SLC30A8: variants seen among roughly 807,000 people sequenced by gnomAD.
SLC30A8 encodes the protein proton-coupled zinc antiporter SLC30A8.
In SLC30A8, 27 loss-of-function variants were observed where a neutral mutation model predicts 36.9. The observed-to-expected ratio is 0.73, with a 90% CI of 0.54 to 1.01. The LOEUF (loss-of-function observed/expected upper bound fraction) is 1.01. Among genes scored for constraint, SLC30A8 ranks in the 50% least tolerant of loss-of-function variants. The pLI is 0.00. For synonymous variants in SLC30A8, 164 were observed against 172.4 expected (o/e 0.95, Z 0.38); for missense variants, 439 against 452.0 (o/e 0.97, Z 0.26).
Position 117,175,420 on chromosome 8 carries a change from A to T in SLC30A8, c.*2739A>T, listed in dbSNP as rs1823628976. 3 of 152,112 alleles carry T rather than the reference A, an allele frequency of 2.0e-5. No individual in the cohort carries two copies. Among genetic ancestry groups the T allele is most frequent in the Admixed American group, 2.0e-4 (3 of 15,272 alleles). 9.4% of individuals were successfully genotyped at this position (152,112 alleles called of 1,614,324 possible). On this transcript the variant is annotated 3_prime_UTR_variant, in exon 8 of 8. Coordinates refer to ENST00000456015, the MANE Select transcript of SLC30A8 (RefSeq NM_173851.3). ...TTATGCCTTCCATATGTTTGGTTAC[A>T]GATGGGAAATGGGAATGTTGAAGGA...
At chr8:117,100,595 T>TG (rs1326258075) in intron 2 of SLC30A8, among the ~76,000 whole-genome samples, 1 of 152,188 alleles carries the variant, frequency 6.6e-6, no homozygotes, top group African/African-American at 2.4e-5. Context: ...TGGAGGCACT[T>TG]GCAGGTCTTC....
chr8:116,967,570 A>G (rs1433955443), intron 1 of SLC30A8, among the ~76,000 whole-genome samples: 1 of 152,176 alleles, frequency 6.6e-6, no homozygotes, highest in Non-Finnish European at 1.5e-5. Context: ...GCAACATGTA[A>G]TACTGTGTCT....
At chr8:117,121,106 AAT>A (rs1173904241) in intron 2 of SLC30A8, among the ~76,000 whole-genome samples, 3 of 151,882 alleles carry the variant, frequency 2.0e-5, no homozygotes, top group Non-Finnish European at 4.4e-5. Context: ...ATAAATAAGA[AAT>A]AGAACAATGG....
At chr8:117,111,063 T>A (rs1820207995) in intron 2 of SLC30A8, among the ~76,000 whole-genome samples, 1 of 152,208 alleles carries the variant, frequency 6.6e-6, no homozygotes, top group Admixed American at 6.5e-5. Context: ...TTAGGAAAGC[T>A]ACCTAACTTT....
rs1287599954 is a variant in SLC30A8 at position 116,970,023 on chromosome 8, A to AT, written c.-266+18910dup. 3.9e-5 allele frequency among the ~76,000 whole-genome samples: 6 copies of AT among 152,194 alleles called. No homozygotes were observed. In the South Asian group the frequency reaches 1.2e-3, roughly 32 times the overall value. On this transcript the variant is annotated intron_variant, in intron 1 of 10. Coordinates refer to the SLC30A8 transcript ENST00000427715. ...ACATTTTTACTTTATAAATTTTTAAATTTTTTATACTTTTAGTCTTTTGTA... is the reference window on the plus strand; with the variant it reads ...ACATTTTTACTTTATAAATTTTTAAATTTTTTTATACTTTTAGTCTTTTGTA...
At chr8:117,157,588 C>T in intron 3 of SLC30A8, 103 bp from the exon 4 acceptor site, 1 of 1,309,168 alleles carries the variant, frequency 7.6e-7, no homozygotes. Context: ...TAATGTGAAG[C>T]CTTTTTGGGG....
intron 2 of SLC30A8, among the ~76,000 whole-genome samples, chr8:117,058,517 C>G (rs1175436648): frequency 6.6e-6 from 1 of 152,100 alleles, no homozygotes; most frequent in Non-Finnish European, 1.5e-5. Flanking sequence ...ATCACCTTCC[C>G]AAAAACTTCA....
intron 2 of SLC30A8, among the ~76,000 whole-genome samples, chr8:117,060,893 A>T (rs960557149): frequency 2.0e-5 from 3 of 152,102 alleles, no homozygotes; most frequent in African/African-American, 7.2e-5. Flanking sequence ...TATTTTGGAG[A>T]TAAAAATATT....
chr8:117,031,139 G>T (rs11778640), intron 1 of SLC30A8, among the ~76,000 whole-genome samples: 16,719 of 152,232 alleles, frequency 0.11, 1,141 homozygotes, highest in East Asian at 0.18. Flanking sequence ...AGATCAGTTT[G>T]ACTTCATAAA....
intron 1 of SLC30A8, among the ~76,000 whole-genome samples, chr8:117,029,914 A>G (rs1351277967): frequency 1.3e-5 from 2 of 152,226 alleles, no homozygotes; most frequent in Admixed American, 6.5e-5. Flanking sequence ...TCCAAACACA[A>G]TGGCAATATT....
In SLC30A8 at chr8:117,172,856, C is replaced by CATCA; in HGVS notation, c.*182_*185dup. 1.4e-6 allele frequency: 1 copy of CATCA among 702,158 alleles called. No homozygotes were observed. The highest frequency in any genetic ancestry group is 1.9e-5 in the South Asian group (1 of 53,420). 43.5% of individuals were successfully genotyped at this position (702,158 alleles called of 1,614,324 possible). ...CCATGAAGGAAGAGGCACTGAGATCCATCAATCAATTGGATTATATACTGA... is the reference window on the plus strand; with the variant it reads ...CCATGAAGGAAGAGGCACTGAGATCCATCAATCAATCAATTGGATTATATACTGA... On this transcript the variant is annotated 3_prime_UTR_variant, in exon 8 of 8. Coordinates refer to ENST00000456015, the MANE Select transcript of SLC30A8 (RefSeq NM_173851.3).
chr8:117,109,660 T>C (rs967568368), intron 2 of SLC30A8, among the ~76,000 whole-genome samples: 1 of 152,234 alleles, frequency 6.6e-6, no homozygotes, highest in African/African-American at 2.4e-5. Flanking sequence ...CTGACAATGC[T>C]GAAACACCCA....
intron 2 of SLC30A8, among the ~76,000 whole-genome samples, chr8:117,056,358 G>A (rs757994188): frequency 3.9e-5 from 6 of 152,102 alleles, no homozygotes; most frequent in Non-Finnish European, 7.4e-5. Flanking sequence ...CACAGCAGTA[G>A]CTTTAAGGAG....
At chr8:117,111,984 C>A (rs949164592) in intron 2 of SLC30A8, among the ~76,000 whole-genome samples, 1 of 152,096 alleles carries the variant, frequency 6.6e-6, no homozygotes, top group Non-Finnish European at 1.5e-5. Flanking sequence ...TACCCCAAGT[C>A]ATCTAAGAAG....
At chr8:116,959,923 T>C (rs920000115) in intron 1 of SLC30A8, among the ~76,000 whole-genome samples, 1 of 152,216 alleles carries the variant, frequency 6.6e-6, no homozygotes, top group African/African-American at 2.4e-5. Context: ...TGAGTCTCTT[T>C]CCTCACCTTT....
intron 1 of SLC30A8, among the ~76,000 whole-genome samples, chr8:117,146,455 C>T (rs906116391): frequency 6.6e-6 from 1 of 152,022 alleles, no homozygotes; most frequent in African/African-American, 2.4e-5. Context: ...GTCTGCAGAG[C>T]GGTGGTAAGA....
At chr8:117,032,253 G>A (rs1817078177) in intron 1 of SLC30A8, among the ~76,000 whole-genome samples, 2 of 151,708 alleles carry the variant, frequency 1.3e-5, no homozygotes, top group South Asian at 4.2e-4. Flanking sequence ...ACTTGTCAAA[G>A]TTTAGTATGA....
At chr8:117,018,600 C>A (rs183244306) in intron 1 of SLC30A8, among the ~76,000 whole-genome samples, 3 of 150,352 alleles carry the variant, frequency 2.0e-5, no homozygotes, top group African/African-American at 4.9e-5. Context: ...AGCACTGTTG[C>A]GTTTGATAGT....
At chr8:117,015,045 G>A (rs1258853479) in intron 1 of SLC30A8, among the ~76,000 whole-genome samples, 2 of 151,162 alleles carry the variant, frequency 1.3e-5, no homozygotes, top group African/African-American at 2.4e-5. Context: ...ACCGAGAGCT[G>A]AAACCAGAAT....
Sources: allele counts gnomAD v4.1 joint callset (sites outside exome capture counted in the v4.1 genomes callset), GRCh38; gene constraint gnomAD v4.1.1; transcripts MANE v1.5; gene names NCBI Gene and HGNC (gene_info 2026-07-23, HGNC 2026-07-21).